RIPOR2: variants seen among roughly 807,000 people sequenced by gnomAD.
The protein encoded by RIPOR2 is RHO family interacting cell polarization regulator 2.
A neutral mutation model predicts 114.5 loss-of-function variants in RIPOR2; 39 were observed. The observed-to-expected ratio is 0.34, with a 90% CI of 0.26 to 0.44. The LOEUF is 0.44. Ranked by LOEUF, RIPOR2 falls within the 20% of genes least tolerant of loss-of-function variation. The pLI, the probability that RIPOR2 is intolerant of heterozygous loss-of-function variation, is 1.00. For missense variants in RIPOR2, 1,007 were observed against 1,255.1 expected, an observed-to-expected ratio of 0.80 and a Z score of 2.99; for synonymous variants, 445 against 484.4, an observed-to-expected ratio of 0.92 and a Z score of 1.07.
intron 1 of RIPOR2, among the ~76,000 whole-genome samples, chr6:25,040,407 C>T (rs1026669821): frequency 2.0e-5 from 3 of 152,076 alleles, no homozygotes; most frequent in African/African-American, 2.4e-5. Flanking sequence ...TGAGCCACCG[C>T]GCCCGGCCTG....
At chr6:24,973,883 G>A in intron 1 of RIPOR2, among the ~76,000 whole-genome samples, 1 of 152,138 alleles carries the variant, frequency 6.6e-6, no homozygotes. Context: ...TTATAAGTGG[G>A]AGCTAAATCT....
At chr6:25,028,362 G>GTTGA (rs1486223356) in intron 1 of RIPOR2, among the ~76,000 whole-genome samples, 2 of 152,164 alleles carry the variant, frequency 1.3e-5, no homozygotes, top group African/African-American at 4.8e-5. Context: ...AAAATTAGGA[G>GTTGA]TTGATTGATT....
At chr6:24,928,100 A>C (rs1398454233) in intron 1 of RIPOR2, among the ~76,000 whole-genome samples, 1 of 152,224 alleles carries the variant, frequency 6.6e-6, no homozygotes, top group African/African-American at 2.4e-5. Flanking sequence ...ATTAAGATTA[A>C]AAATTTTAAT....
chr6:24,956,009 C>CAA (rs10587846), intron 1 of RIPOR2, among the ~76,000 whole-genome samples: 2 of 130,522 alleles, frequency 1.5e-5, no homozygotes, highest in African/African-American at 2.9e-5. Context: ...GACTCTGTCT[C>CAA]AAAAAAAAAA....
chr6:24,931,502 T>C (rs1195537339), intron 1 of RIPOR2, among the ~76,000 whole-genome samples: 1 of 152,240 alleles, frequency 6.6e-6, no homozygotes, highest in Non-Finnish European at 1.5e-5. Flanking sequence ...TTTTGCCAGT[T>C]CATCTCCATC....
chr6:24,922,974 A>G, intron 1 of RIPOR2, among the ~76,000 whole-genome samples: 1 of 152,076 alleles, frequency 6.6e-6, no homozygotes, highest in Middle Eastern at 3.2e-3. Flanking sequence ...TTCTGCACCA[A>G]ACTCCAGAAC....
chr6:24,833,682 T>C (rs2113690959), intron 15 of RIPOR2, among the ~76,000 whole-genome samples: 1 of 152,292 alleles, frequency 6.6e-6, no homozygotes, highest in Middle Eastern at 3.4e-3. Context: ...GTTATATAAC[T>C]AATAAGTAAG....
At chr6:24,862,460 C>T (rs376936970) in intron 7 of RIPOR2, among the ~76,000 whole-genome samples, 2 of 152,136 alleles carry the variant, frequency 1.3e-5, no homozygotes, top group Non-Finnish European at 2.9e-5. Context: ...TTCTATGTTT[C>T]GTTGTTCTGC....
chr6:24,808,982 A>T (rs1390945205), intron 21 of RIPOR2, among the ~76,000 whole-genome samples: 1 of 151,726 alleles, frequency 6.6e-6, no homozygotes, highest in Non-Finnish European at 1.5e-5. Context: ...CTGGTCTCGA[A>T]CTCTTGACCT....
chr6:24,894,392 G>C (rs1199361922), intron 1 of RIPOR2, among the ~76,000 whole-genome samples: 1 of 152,194 alleles, frequency 6.6e-6, no homozygotes, highest in African/African-American at 2.4e-5. Context: ...CAACAAGATT[G>C]TTAGCAGAAC....
At chr6:24,915,096 C>T (rs1338947934) in intron 1 of RIPOR2, among the ~76,000 whole-genome samples, 2 of 152,154 alleles carry the variant, frequency 1.3e-5, no homozygotes, top group Non-Finnish European at 2.9e-5. Context: ...CAACAGAGGT[C>T]TAATTTCTCT....
At chr6:25,027,610 C>A (rs9366598) in intron 1 of RIPOR2, among the ~76,000 whole-genome samples, 31,978 of 152,210 alleles carry the variant, frequency 0.21, 4,149 homozygotes, top group East Asian at 0.59. Flanking sequence ...AGAGGGGCAT[C>A]TTCTGCTAAG....
At chr6:24,915,222 T>C (rs1224926482) in intron 1 of RIPOR2, among the ~76,000 whole-genome samples, 2 of 152,236 alleles carry the variant, frequency 1.3e-5, no homozygotes. Context: ...GGCCAAAATA[T>C]GGCTTGGAAT....
intron 1 of RIPOR2, among the ~76,000 whole-genome samples, chr6:24,969,649 G>A (rs1773687849): frequency 6.6e-6 from 1 of 152,154 alleles, no homozygotes; most frequent in Non-Finnish European, 1.5e-5. Flanking sequence ...GTAGCAGAAT[G>A]GGTTTTGCTG....
At chr6:25,002,448 A>G (rs80011422) in intron 1 of RIPOR2, among the ~76,000 whole-genome samples, 2 of 152,234 alleles carry the variant, frequency 1.3e-5, no homozygotes, top group African/African-American at 4.8e-5. Context: ...TATGTTCAAC[A>G]TGCTTTAGGA....
chr6:24,971,565 T>G (rs549843759), intron 1 of RIPOR2, among the ~76,000 whole-genome samples: 23 of 152,240 alleles, frequency 1.5e-4, no homozygotes, highest in Non-Finnish European at 2.6e-4. Context: ...TTTCTTCCTA[T>G]GCGTGGTTAA....
At position 24,843,600 on chromosome 6, in the gene RIPOR2, C is replaced by A. The variant is rs757266284; in HGVS notation, c.1165-46G>T. 3 of 1,331,104 alleles carry A rather than the reference C, an allele frequency of 2.3e-6. No individual in the cohort carries two copies. The East Asian group carries it at 7.5e-5, about 33-fold the overall frequency. 82.5% of individuals were successfully genotyped at this position (1,331,104 alleles called of 1,614,324 possible). A position where few individuals can be genotyped will look rare whatever the true frequency, so the allele number is the denominator to read the frequency against. On this transcript the variant is annotated intron_variant, in intron 12 of 21. Coordinates refer to ENST00000643898, the MANE Select transcript of RIPOR2 (RefSeq NM_001286445.3). Reference sequence around the variant, plus strand: ...ATTATTATTTTCAATACAAATGATGCATTTGGCTTGGCATGGTTTATTTCC... The same window carrying A: ...ATTATTATTTTCAATACAAATGATGAATTTGGCTTGGCATGGTTTATTTCC...
At chr6:24,921,057 C>T (rs915030193) in intron 1 of RIPOR2, among the ~76,000 whole-genome samples, 1 of 152,218 alleles carries the variant, frequency 6.6e-6, no homozygotes, top group African/African-American at 2.4e-5. Flanking sequence ...CTTTGCTCAA[C>T]ACTGGCCAAT....
At chr6:24,894,079 C>T (rs1411473860) in intron 1 of RIPOR2, among the ~76,000 whole-genome samples, 2 of 152,138 alleles carry the variant, frequency 1.3e-5, no homozygotes, top group African/African-American at 4.8e-5. Context: ...GAGCAGGTGA[C>T]CCATTAGAGG....
Sources: allele counts gnomAD v4.1 joint callset (sites outside exome capture counted in the v4.1 genomes callset), GRCh38; gene constraint gnomAD v4.1.1; transcripts MANE v1.5; gene names NCBI Gene and HGNC (gene_info 2026-07-23, HGNC 2026-07-21).